Variants in SARDH observed in about 807,000 individuals in gnomAD.
SARDH encodes sarcosine dehydrogenase, also known as sarcosine dehydrogenase, mitochondrial.
A neutral mutation model predicts 109.1 loss-of-function variants in SARDH; 95 were observed. The ratio of observed to expected loss-of-function variants is 0.87; its 90% confidence interval spans 0.74 to 1.03. SARDH has a LOEUF of 1.03. Ranked by LOEUF, SARDH falls within the 50% of genes least tolerant of loss-of-function variation. The pLI is 0.00. For synonymous variants in SARDH, 572 were observed against 534.8 expected (o/e 1.07, Z -0.96); for missense variants, 1,267 against 1,287.8 (o/e 0.98, Z 0.25).
intron 20 of SARDH, among the ~76,000 whole-genome samples, chr9:133,665,072 G>C (rs1321311215): frequency 2.0e-5 from 3 of 150,962 alleles, no homozygotes; most frequent in African/African-American, 7.3e-5. Context: ...GGGGTGAGGT[G>C]GGTGTGACTG....
At position 133,686,113 on chromosome 9, in the gene SARDH, C is replaced by G. The variant is rs1404999769; in HGVS notation, c.2070-827G>C. Among the ~76,000 whole-genome samples the G allele has an allele frequency of 6.6e-6, 1 of 152,170 alleles. No homozygotes were observed. Among genetic ancestry groups the G allele is most frequent in the Non-Finnish European group, 1.5e-5 (1 of 68,012 alleles). Reference sequence around the variant, plus strand: ...GGAATGTTCCTGAGCACTGGACACTCAGTCCATACTGGACAGTTTGCACAG... The same window carrying G: ...GGAATGTTCCTGAGCACTGGACACTGAGTCCATACTGGACAGTTTGCACAG... On this transcript the variant is annotated intron_variant, in intron 16 of 20. Transcript: ENST00000439388. This position sits in a 1 kb window ranked among gnomAD's most constrained non-coding sequence, Gnocchi z 4.0.
intron 19 of SARDH, among the ~76,000 whole-genome samples, chr9:133,668,408 C>A (rs1221276503): frequency 1.7e-5 from 1 of 59,306 alleles, no homozygotes; most frequent in Non-Finnish European, 3.5e-5. Context: ...TCCCTTCACC[C>A]TCCCTCTCCC....
Position 133,712,963 on chromosome 9 carries a change from G to T in SARDH, c.1237+75C>A. On this transcript the variant is annotated intron_variant, in intron 9 of 20. Coordinates refer to ENST00000439388, the MANE Select transcript of SARDH (RefSeq NM_001134707.2). This position sits in a 1 kb window ranked among gnomAD's most constrained non-coding sequence, Gnocchi z 4.1. Reference sequence around the variant, plus strand: ...CTGTCGGGGGCCACGGTGCTCCTGCGCCCGCCTCCCCCAGAGCTCTGGGAA... The same window carrying T: ...CTGTCGGGGGCCACGGTGCTCCTGCTCCCGCCTCCCCCAGAGCTCTGGGAA... 7.0e-7 allele frequency: 1 copy of T among 1,429,744 alleles called. No homozygotes were observed. The allele number at this position is 1,429,744 out of a possible 1,614,324, so 88.6% of individuals were successfully genotyped here. A position where few individuals can be genotyped will look rare whatever the true frequency, so the allele number is the denominator to read the frequency against.
At chr9:133,689,648 C>T (rs896368229) in intron 16 of SARDH, among the ~76,000 whole-genome samples, 1 of 152,118 alleles carries the variant, frequency 6.6e-6, no homozygotes, top group Non-Finnish European at 1.5e-5. Flanking sequence ...AAAGGGCTAC[C>T]GTGGGGATGG....
chr9:133,703,286 AG>A, intron 12 of SARDH: 1 of 521,982 alleles, frequency 1.9e-6, no homozygotes. Flanking sequence ...CTGGAGGAGG[AG>A]CTGGATGCAC....
rs115287169 is a variant in SARDH, at chr9:133,670,670, C to G, written c.2409G>C (p.Ser803=). 1.9e-6 allele frequency: 3 copies of G among 1,604,012 alleles called. No individual in the cohort carries two copies. The highest frequency in any genetic ancestry group is 1.7e-6 in the Non-Finnish European group (2 of 1,176,192). The change falls in exon 19 of 21, where the codon TCG becomes TCC. Residue 803 remains serine, a synonymous_variant. Transcript: ENST00000439388. ...AGLAFTCKLK[S]PVPFLGREAL... is the part of the protein sequence containing the mutation. ...CCTCCCTCCCCAGGAAGGGCACCGG[C>G]GACTTGAGCTTGCAGGTGAAGGCCA...
intron 6 of SARDH, among the ~76,000 whole-genome samples, chr9:133,721,285 C>T (rs1458073966): frequency 1.3e-5 from 2 of 152,216 alleles, no homozygotes; most frequent in East Asian, 3.8e-4. Flanking sequence ...GACTGCATCG[C>T]TGGAGGCTGG....
rs542124111 is a variant in SARDH at position 133,676,582 on chromosome 9, T to A, written c.2164-4885A>T. Among the ~76,000 whole-genome samples the A allele has an allele frequency of 3.4e-4, 52 of 152,208 alleles. No individual in the cohort carries two copies. In the South Asian group the frequency reaches 7.9e-3, roughly 23 times the overall value. On this transcript the variant is annotated intron_variant, in intron 17 of 20. Transcript: ENST00000439388. ...ACATCCTGGACCACAGGAACAGAGG[T>A]GCCAGGGGAGGCCGGGGGGTGTAGA...
chr9:133,662,162 TTC>T (rs1203996250), downstream of SARDH, among the ~76,000 whole-genome samples: 3 of 151,854 alleles, frequency 2.0e-5, no homozygotes, highest in Admixed American at 6.6e-5. This position sits in a 1 kb window ranked among gnomAD's most constrained non-coding sequence, Gnocchi z 5.1. Flanking sequence ...GGGTGCTGGG[TTC>T]TCTCTCCTCG....
At chr9:133,667,687 C>A (rs916492820) in intron 19 of SARDH, among the ~76,000 whole-genome samples, 3 of 152,040 alleles carry the variant, frequency 2.0e-5, no homozygotes, top group Non-Finnish European at 4.4e-5. Context: ...ACGGCGGCAG[C>A]TATGCAAAGG....
downstream of SARDH, among the ~76,000 whole-genome samples, chr9:133,662,283 ACCTCCCCTCAT>A (rs1829910846): frequency 6.6e-6 from 1 of 151,276 alleles, no homozygotes; most frequent in Non-Finnish European, 1.5e-5. This position sits in a 1 kb window ranked among gnomAD's most constrained non-coding sequence, Gnocchi z 5.1. Context: ...CCGGGCTCTG[ACCTCCCCTCAT>A]CCTCAGCCTT....
intron 13 of SARDH, among the ~76,000 whole-genome samples, chr9:133,700,333 T>C (rs1268758228): frequency 6.7e-6 from 1 of 149,138 alleles, no homozygotes; most frequent in Non-Finnish European, 1.5e-5. Context: ...TCTCAAAAAA[T>C]AAATAAATAA....
chr9:133,682,186 G>A (rs1188744210), intron 17 of SARDH, among the ~76,000 whole-genome samples: 1 of 152,160 alleles, frequency 6.6e-6, no homozygotes, highest in African/African-American at 2.4e-5. Context: ...AAGCAGAGAG[G>A]TGGACCCGGT....
At position 133,693,555 on chromosome 9, in the gene SARDH, C is replaced by A. The variant is rs776389043; in HGVS notation, c.1921+703G>T. 3.3e-5 allele frequency among the ~76,000 whole-genome samples: 5 copies of A among 152,236 alleles called. No homozygotes were observed. Among genetic ancestry groups the A allele is most frequent in the Non-Finnish European group, 5.9e-5 (4 of 68,048 alleles). ...AGGTCCCATCCCAGAGGTGGCAATGCCTCTTCCTGGAGAAAGAGAATGTTT... is the reference window on the plus strand; with the variant it reads ...AGGTCCCATCCCAGAGGTGGCAATGACTCTTCCTGGAGAAAGAGAATGTTT... On this transcript the variant is annotated intron_variant, in intron 15 of 20. Coordinates refer to ENST00000439388, the MANE Select transcript of SARDH (RefSeq NM_001134707.2). The surrounding 1 kb of genome is among the most constrained non-coding windows in gnomAD (Gnocchi z 5.6).
intron 1 of SARDH, among the ~76,000 whole-genome samples, chr9:133,735,768 G>A (rs968098439): frequency 3.3e-5 from 5 of 152,210 alleles, no homozygotes; most frequent in South Asian, 4.1e-4. Context: ...ATGAGGCCGG[G>A]CTCTGTGGCT....
chr9:133,715,635 TG>T (rs1832092245), intron 8 of SARDH, among the ~76,000 whole-genome samples: 1 of 152,166 alleles, frequency 6.6e-6, no homozygotes. Context: ...ACAGCCCTTC[TG>T]TGTCGGGACT....
intron 8 of SARDH, among the ~76,000 whole-genome samples, chr9:133,713,980 CA>C (rs1435628511): frequency 2.0e-5 from 3 of 152,030 alleles, no homozygotes; most frequent in African/African-American, 7.2e-5. Context: ...CTTAAATAAG[CA>C]AAAAACAGAC....
intron 6 of SARDH, among the ~76,000 whole-genome samples, chr9:133,720,026 C>T (rs577328849): frequency 3.3e-5 from 5 of 151,116 alleles, no homozygotes; most frequent in African/African-American, 9.7e-5. Context: ...CAGGAGAATG[C>T]GTGAACCCAG....
At chr9:133,665,195 G>A (rs905771974) in intron 20 of SARDH, among the ~76,000 whole-genome samples, 2 of 151,972 alleles carry the variant, frequency 1.3e-5, no homozygotes, top group Admixed American at 6.5e-5. Context: ...CTGCCTGTCT[G>A]GATGCCGTTT....
Sources: gnomAD v4.1 joint callset for allele counts (sites outside exome capture counted in the v4.1 genomes callset) on GRCh38, gnomAD v4.1.1 for gene constraint, Gnocchi (gnomAD v3.1) non-coding constraint, MANE v1.5 for transcripts, NCBI Gene and HGNC (gene_info 2026-07-23, HGNC 2026-07-21) for gene names.